Variants in TXNDC11 observed in about 807,000 individuals in gnomAD.
TXNDC11 encodes the protein thioredoxin domain containing 11.
Under a neutral mutation model 78.0 loss-of-function variants are expected in TXNDC11, and 68 were observed. The ratio of observed to expected loss-of-function variants is 0.87; its 90% CI spans 0.72 to 1.07. The LOEUF (loss-of-function observed/expected upper bound fraction) is 1.07. TXNDC11 is among the 50% of genes least tolerant of loss of function. TXNDC11 has a pLI of 0.00. For synonymous variants in TXNDC11, 571 were observed against 495.2 expected (o/e 1.15, Z -2.03); for missense variants, 1,389 against 1,221.8 (o/e 1.14, Z -2.04).
chr16:11,706,702 G>A lies in TXNDC11; in HGVS notation c.794-6138C>T, dbSNP rs139995156. On this transcript the variant is annotated intron_variant, in intron 5 of 11. Transcript: ENST00000283033. The stretch of plus-strand genomic sequence containing the variant: ...GCCCTTCTTGTGCCTCCCGTGCACC[G>A]CTGTCACCATTCACCTCATGACAGC... 1.9e-4 allele frequency among the ~76,000 whole-genome samples: 29 copies of A among 152,208 alleles called. No homozygotes were observed. In the East Asian group the frequency reaches 4.6e-3, roughly 24 times the overall value.
chr16:11,722,209 C>G (rs180804825), intron 4 of TXNDC11, among the ~76,000 whole-genome samples: 6 of 152,282 alleles, frequency 3.9e-5, no homozygotes, highest in Admixed American at 2.0e-4. Context: ...CCACAGAACC[C>G]CCGCCAAAAC....
chr16:11,717,434 G>GAAA lies in TXNDC11; in HGVS notation c.793+4140_793+4142dup, dbSNP rs58884197. Among the ~76,000 whole-genome samples the GAAA allele has an allele frequency of 1.7e-3, 107 of 62,296 alleles. 1 individual carries two copies. Among genetic ancestry groups the GAAA allele is most frequent in the Middle Eastern group, 0.018 (1 of 56 alleles). The allele number at this position is 62,296 out of a possible 152,430, so 40.9% of individuals were successfully genotyped here. A position where few individuals can be genotyped will look rare whatever the true frequency, so the allele number is the denominator to read the frequency against. ...TGGGCAAAAGAGCGAGACTCCAAAT[G>GAAA]AAAAAAAAAAAAAAAAAAAAAAGAA... is the stretch of plus-strand genomic sequence containing the variant. On this transcript the variant is annotated intron_variant, in intron 5 of 11. Transcript: ENST00000283033.
chr16:11,680,284 A>T (rs2050389517), intron 11 of TXNDC11, among the ~76,000 whole-genome samples: 1 of 152,166 alleles, frequency 6.6e-6, no homozygotes, highest in African/African-American at 2.4e-5. Flanking sequence ...AAAAGGAAGA[A>T]CTTGAAAGAT....
chr16:11,707,170 T>C (rs2051205214), intron 5 of TXNDC11, among the ~76,000 whole-genome samples: 1 of 152,146 alleles, frequency 6.6e-6, no homozygotes, highest in African/African-American at 2.4e-5. Context: ...CTCACACCTG[T>C]AACCCCAGCA....
chr16:11,701,201 A>C (rs1419351693), intron 5 of TXNDC11, among the ~76,000 whole-genome samples: 1 of 126,820 alleles, frequency 7.9e-6, no homozygotes, highest in South Asian at 2.4e-4. Flanking sequence ...CAGTGGTGCG[A>C]TATCGGCTCA....
In TXNDC11 at chr16:11,679,975, G is replaced by A. The variant is rs1169216797; in HGVS notation, c.2235-138C>T. On this transcript the variant is annotated intron_variant, in intron 11 of 11. Coordinates refer to ENST00000283033, the MANE Select transcript of TXNDC11 (RefSeq NM_015914.7). This position sits in a 1 kb window ranked among gnomAD's most constrained non-coding sequence, Gnocchi z 4.6. ...GTGGATTTTACTTACTGAAAGTAAGGAAAATGTTGCCTGGGCAAGAAATTC... is the reference window on the plus strand; with the variant it reads ...GTGGATTTTACTTACTGAAAGTAAGAAAAATGTTGCCTGGGCAAGAAATTC... 4 of 767,070 alleles carry A rather than the reference G, an allele frequency of 5.2e-6. No homozygotes were observed. The highest frequency in any genetic ancestry group is 8.3e-6 in the Non-Finnish European group (4 of 481,442). The allele number at this position is 767,070 out of a possible 1,614,324, so 47.5% of individuals were successfully genotyped here.
chr16:11,688,505 T>G (rs2050625994), intron 8 of TXNDC11, 60 bp from the exon 9 acceptor site: 4 of 1,380,070 alleles, frequency 2.9e-6, no homozygotes, highest in Non-Finnish European at 3.9e-6. Context: ...ATAGCTGGCC[T>G]ACTTTTAAAC....
intron 2 of TXNDC11, among the ~76,000 whole-genome samples, chr16:11,734,467 C>T (rs1266676841): frequency 6.6e-6 from 1 of 152,122 alleles, no homozygotes; most frequent in Non-Finnish European, 1.5e-5. Flanking sequence ...CAACCCCCAC[C>T]ACTACGTGAT....
chr16:11,714,421 A>G (rs1001781046), intron 5 of TXNDC11, among the ~76,000 whole-genome samples: 1 of 152,102 alleles, frequency 6.6e-6, no homozygotes, highest in African/African-American at 2.4e-5. Context: ...TGGGCGGATC[A>G]CGAGGTCGGG....
chr16:11,730,567 AC>A, intron 4 of TXNDC11, 77 bp downstream of exon 4: 1 of 1,465,004 alleles, frequency 6.8e-7, no homozygotes. Context: ...ATTTTTTTAA[AC>A]CCCTTTAAAA....
chr16:11,702,982 G>A (rs553574260), intron 5 of TXNDC11, among the ~76,000 whole-genome samples: 3 of 152,294 alleles, frequency 2.0e-5, no homozygotes, highest in South Asian at 2.1e-4. Flanking sequence ...GCTGGGGAAA[G>A]GGGACTGGAA....
chr16:11,710,349 C>G (rs2051313594), intron 5 of TXNDC11, among the ~76,000 whole-genome samples: 1 of 151,856 alleles, frequency 6.6e-6, no homozygotes, highest in Non-Finnish European at 1.5e-5. Context: ...TCTCTTTTTC[C>G]CCTCCAAACA....
In TXNDC11 at chr16:11,721,569, T is replaced by A; in HGVS notation, c.793+8A>T. On this transcript the variant is annotated splice_region_variant and intron_variant, in intron 5 of 11. Coordinates refer to ENST00000283033, the MANE Select transcript of TXNDC11 (RefSeq NM_015914.7). ...AGTAACAATGTCTTAATATGAATCATTTTTTACCTTTCTTTAATGAATGTA... is the reference window on the plus strand; with the variant it reads ...AGTAACAATGTCTTAATATGAATCAATTTTTACCTTTCTTTAATGAATGTA... 7 of 1,550,808 alleles carry A rather than the reference T, an allele frequency of 4.5e-6. No homozygotes were observed. Among genetic ancestry groups the A allele is most frequent in the Non-Finnish European group, 6.2e-6 (7 of 1,125,860 alleles).
intron 5 of TXNDC11, among the ~76,000 whole-genome samples, chr16:11,708,374 G>A (rs574650298): frequency 6.6e-6 from 1 of 152,110 alleles, no homozygotes; most frequent in Non-Finnish European, 1.5e-5. Context: ...GGAAAAAGTG[G>A]GGCTCTAGAC....
chr16:11,736,181 A>C lies in TXNDC11; in HGVS notation c.307T>G (p.Leu103Val). ...PAKPPVSFFS[L>V]RSPVLDLFQG... ...AAGAGGTCAAGGACTGGAGACCTCA[A>C]GGAGAAAAAGCTGACAGGTGGCTTT... Residue 103 changes from leucine to valine, a missense_variant, in exon 2 of 12, where the codon TTG becomes GTG. By Grantham distance (32) the Leu-to-Val change is conservative. Transcript: ENST00000283033. The C allele has an allele frequency of 6.2e-7, 1 of 1,614,166 alleles. No homozygotes were observed. The highest frequency in any genetic ancestry group is 1.1e-5 in the South Asian group (1 of 91,080).
chr16:11,732,650 C>A (rs1308162411), intron 3 of TXNDC11, among the ~76,000 whole-genome samples: 1 of 152,132 alleles, frequency 6.6e-6, no homozygotes, highest in Non-Finnish European at 1.5e-5. Context: ...ATACAAACAT[C>A]TAATATCCAG....
intron 5 of TXNDC11, among the ~76,000 whole-genome samples, chr16:11,720,089 T>A (rs947513998): frequency 2.6e-5 from 4 of 152,034 alleles, no homozygotes; most frequent in Non-Finnish European, 4.4e-5. Context: ...AGCGAGCAGA[T>A]GAGAATGGAT....
chr16:11,729,082 G>C (rs2051968148), intron 4 of TXNDC11, among the ~76,000 whole-genome samples: 1 of 152,178 alleles, frequency 6.6e-6, no homozygotes, highest in African/African-American at 2.4e-5. Context: ...TCACCATTTT[G>C]CTGTGCCATC....
At chr16:11,684,407 A>G (rs1414884851) in intron 10 of TXNDC11, among the ~76,000 whole-genome samples, 162 bp from the exon 11 acceptor site, 2 of 152,134 alleles carry the variant, frequency 1.3e-5, no homozygotes, top group African/African-American at 4.8e-5. Context: ...CTGGGCGCTG[A>G]TACTTCCAAG....
Sources: gnomAD v4.1 joint callset for allele counts (sites outside exome capture counted in the v4.1 genomes callset) on GRCh38, gnomAD v4.1.1 for gene constraint, Gnocchi (gnomAD v3.1) non-coding constraint, MANE v1.5 for transcripts, NCBI Gene and HGNC (gene_info 2026-07-23, HGNC 2026-07-21) for gene names.